NYX: variants seen among roughly 807,000 people sequenced by gnomAD.
NYX encodes leucine-rich repeat protein.
For missense variants in NYX, 481 were observed against 485.4 expected, an observed-to-expected ratio of 0.99 and a Z score of 0.09; for synonymous variants, 258 against 245.7, an observed-to-expected ratio of 1.05 and a Z score of -0.47.
intron 2 of NYX, among the ~76,000 whole-genome samples, chrX:41,450,828 A>ATTTTTTTTT (rs745395959): frequency 1.5e-5 from 1 of 68,216 alleles, no homozygotes; most frequent in African/African-American, 6.0e-5. Context: ...ATATATATAT[A>ATTTTTTTTT]TTTTTTTTTT....
Position 41,470,694 on chromosome X carries a change from C to CAAAAAA in NYX, c.23-2783_23-2778dup, listed in dbSNP as rs554668854. Among the ~76,000 whole-genome samples the CAAAAAA allele has an allele frequency of 2.1e-4, 12 of 57,235 alleles. 2 individuals are homozygous for CAAAAAA. The highest frequency in any genetic ancestry group is 6.0e-4 in the East Asian group (1 of 1,676). The allele number at this position is 57,235 out of a possible 115,157, so 49.7% of individuals were successfully genotyped here. A position where few individuals can be genotyped will look rare whatever the true frequency, so the allele number is the denominator to read the frequency against. On this transcript the variant is annotated intron_variant, in intron 2 of 2. Transcript: ENST00000378220. ...TGGCGACAGAGTGAGGACTCTGTCT[C>CAAAAAA]AAAAAAAAAAAAAAAAAAATCATTG...
rs1394167626 is a variant in NYX, at chrX:41,470,825, G to A, written c.23-2666G>A. On this transcript the variant is annotated intron_variant, in intron 2 of 2. Transcript: ENST00000378220. ...ACATTTCAAATGCTCAGTAGCCCAC[G>A]GGGCTAGTGGCTACTGTATTGGGCA... Among the ~76,000 whole-genome samples, 34 of 110,835 alleles carry A rather than the reference G, an allele frequency of 3.1e-4. No homozygotes were observed. The Admixed American group carries it at 3.2e-3, about 10-fold the overall frequency.
Position 41,474,410 on chromosome X carries a change from G to C in NYX, c.942G>C (p.Trp314Cys). The C allele has an allele frequency of 8.3e-7, 1 of 1,207,955 alleles. No homozygotes were observed. Among genetic ancestry groups the C allele is most frequent in the Non-Finnish European group, 1.1e-6 (1 of 895,408 alleles). The change falls in exon 3 of 3, where the codon TGG becomes TGC. Residue 314 changes from tryptophan to cysteine, a missense_variant. Coordinates refer to ENST00000378220, the MANE Select transcript of NYX (RefSeq NM_001378477.3). ...GCAACCGCCTCACCGTGCTCGCCTG[G>C]GTCGCCTTCCAGCCCGGCTTCTTCC... is the stretch of plus-strand genomic sequence containing the variant. ...LNGNRLTVLA[W>C]VAFQPGFFLG...
intron 2 of NYX, among the ~76,000 whole-genome samples, chrX:41,452,350 T>G (rs1368930042): frequency 2.7e-5 from 3 of 111,271 alleles, no homozygotes; most frequent in Non-Finnish European, 3.8e-5. Flanking sequence ...TACATTTTAT[T>G]GTAAGTAAAG....
chrX:41,462,477 T>A (rs929917539), intron 2 of NYX, among the ~76,000 whole-genome samples: 4 of 112,147 alleles, frequency 3.6e-5, no homozygotes, highest in Admixed American at 9.6e-5. Flanking sequence ...TTTAGTCCCT[T>A]CAGGCTATTG....
At position 41,473,781 on chromosome X, in the gene NYX, C is replaced by G; in HGVS notation, c.313C>G (p.Pro105Ala). Residue 105 changes from proline (P) to alanine (A), a missense_variant, in exon 3 of 3, where the codon CCG (proline) becomes GCG (alanine). Physicochemically the swap from Pro to Ala is conservative, Grantham distance 27. Coordinates refer to ENST00000378220, the MANE Select transcript of NYX (RefSeq NM_001378477.3). Reference sequence around the variant, plus strand: ...CACGCCCGGCGCCTTCAAGGGCCTGCCGCGCCTGGCTGAGCTGCGCCTGGC... The same window carrying G: ...CACGCCCGGCGCCTTCAAGGGCCTGGCGCGCCTGGCTGAGCTGCGCCTGGC... ...FITPGAFKGLPRLAELRLAHN... is the reference protein window; with the variant it reads ...FITPGAFKGLARLAELRLAHN... 1 of 1,138,767 alleles carries G rather than the reference C, an allele frequency of 8.8e-7. No individual in the cohort carries two copies. The highest frequency in any genetic ancestry group is 1.2e-6 in the Non-Finnish European group (1 of 865,260). 93.8% of individuals were successfully genotyped at this position (1,138,767 alleles called of 1,213,427 possible). A position where few individuals can be genotyped will look rare whatever the true frequency, so the allele number is the denominator to read the frequency against.
At chrX:41,455,299 G>T (rs2064295124) in intron 2 of NYX, among the ~76,000 whole-genome samples, 2 of 109,849 alleles carry the variant, frequency 1.8e-5, no homozygotes, top group South Asian at 7.8e-4. Flanking sequence ...TGGAGACAGG[G>T]TTTCACCGTG....
chrX:41,469,629 C>T (rs1011341760), intron 2 of NYX, among the ~76,000 whole-genome samples: 3 of 108,127 alleles, frequency 2.8e-5, no homozygotes, highest in Admixed American at 1.0e-4. Flanking sequence ...TCACTGCAAC[C>T]TTTGCCTCCT....
intron 2 of NYX, chrX:41,472,249 A>C: frequency 2.0e-6 from 2 of 1,000,733 alleles, no homozygotes; most frequent in South Asian, 4.7e-5. Context: ...AAAAAGGTGA[A>C]CAATATCTTT....
chrX:41,473,701 G>A lies in NYX; in HGVS notation c.233G>A (p.Gly78Asp). The A allele has an allele frequency of 8.7e-7, 1 of 1,144,006 alleles. No homozygotes were observed. The allele number at this position is 1,144,006 out of a possible 1,213,427, so 94.3% of individuals were successfully genotyped here. Residue 78 changes from glycine to aspartate, a missense_variant, in exon 3 of 3, where the codon GGC (glycine) becomes GAC (aspartate). By Grantham distance (94) the Gly-to-Asp change is moderately conservative. Transcript: ENST00000378220. Reference sequence around the variant, plus strand: ...CGCTTCCTGGGCGAGCGAGCCTTCGGCACGCTGCCGTCCTTGCGCCGCCTG... The same window carrying A: ...CGCTTCCTGGGCGAGCGAGCCTTCGACACGCTGCCGTCCTTGCGCCGCCTG... ...GLRFLGERAF[G>D]TLPSLRRLSL...
intron 2 of NYX, among the ~76,000 whole-genome samples, chrX:41,457,307 C>CA (rs752610260): frequency 0.041 from 1,849 of 44,639 alleles, 88 homozygotes; most frequent in Non-Finnish European, 0.046. Context: ...AACTCCATCT[C>CA]AAAAAAAAAA....
At chrX:41,460,469 C>T (rs919794645) in intron 2 of NYX, among the ~76,000 whole-genome samples, 1 of 111,900 alleles carries the variant, frequency 8.9e-6, no homozygotes, top group Non-Finnish European at 1.9e-5. Flanking sequence ...CCGCACCCAG[C>T]CTATTCTTTT....
chrX:41,447,900 G>T lies in NYX; in HGVS notation c.-5G>T, dbSNP rs1015364883. The T allele has an allele frequency of 1.7e-6, 2 of 1,211,023 alleles. No individual in the cohort carries two copies. The highest frequency in any genetic ancestry group is 2.2e-6 in the Non-Finnish European group (2 of 895,148). On this transcript the variant is annotated 5_prime_UTR_variant, in exon 2 of 3. Coordinates refer to ENST00000378220, the MANE Select transcript of NYX (RefSeq NM_001378477.3). ...TAAGCCACTGGGTGGATGAAAGGCC[G>T]AGGGATGTTGGTCCTGCTTCTGCAT... is the stretch of plus-strand genomic sequence containing the variant.
intron 1 of NYX, 127 bp from the exon 2 acceptor site, chrX:41,447,722 G>C: frequency 1.9e-6 from 1 of 519,936 alleles, no homozygotes; most frequent in Non-Finnish European, 3.4e-6. Flanking sequence ...CCAACACCAG[G>C]GTCATTAAGA....
At chrX:41,447,782 T>C (rs1203006818) in intron 1 of NYX, 67 bp from the exon 2 acceptor site, 8 of 740,172 alleles carry the variant, frequency 1.1e-5, no homozygotes, top group Non-Finnish European at 1.7e-5. Context: ...GGAAGAAGTG[T>C]GGAGGCATGG....
Position 41,474,002 on chromosome X carries a change from C to A in NYX, c.534C>A (p.Asn178Lys). ...RVPGALRGLA[N>K]LTHAHLERGR... Reference sequence around the variant, plus strand: ...CGGGCGCGCTGCGCGGCCTGGCCAACCTGACGCACGCGCACCTGGAGCGCG... The same window carrying A: ...CGGGCGCGCTGCGCGGCCTGGCCAAACTGACGCACGCGCACCTGGAGCGCG... The change falls in exon 3 of 3, where the codon AAC (asparagine) becomes AAA (lysine). Residue 178 changes from asparagine to lysine, a missense_variant. Coordinates refer to ENST00000378220, the MANE Select transcript of NYX (RefSeq NM_001378477.3). 1 of 1,066,584 alleles carries A rather than the reference C, an allele frequency of 9.4e-7. No homozygotes were observed. 87.9% of individuals were successfully genotyped at this position (1,066,584 alleles called of 1,213,427 possible).
chrX:41,455,451 G>A (rs185393961), intron 2 of NYX, among the ~76,000 whole-genome samples: 69 of 109,345 alleles, frequency 6.3e-4, no homozygotes, highest in Non-Finnish European at 1.2e-3. Context: ...GAACAGGGAT[G>A]AGAGTGTCCT....
chrX:41,462,382 C>T (rs3013117), intron 2 of NYX, among the ~76,000 whole-genome samples: 31,247 of 110,995 alleles, frequency 0.28, 3,595 homozygotes, highest in South Asian at 0.59. Context: ...TCATTGTTTC[C>T]AATTTGGAAG....
intron 2 of NYX, among the ~76,000 whole-genome samples, chrX:41,448,562 C>CTTT (rs1289675519): frequency 1.2e-5 from 1 of 86,585 alleles, no homozygotes; most frequent in Non-Finnish European, 2.3e-5. Flanking sequence ...CTTTTCTTTT[C>CTTT]TTTTTTTTTT....
Sources: allele counts gnomAD v4.1 joint callset (sites outside exome capture counted in the v4.1 genomes callset), GRCh38; gene constraint gnomAD v4.1.1; transcripts MANE v1.5; gene names NCBI Gene and HGNC (gene_info 2026-07-23, HGNC 2026-07-21).